TOR1A: variants seen among roughly 807,000 people sequenced by gnomAD.
TOR1A encodes torsin-1A.
In TOR1A, 18 loss-of-function variants were observed where a neutral mutation model predicts 31.4. The ratio of observed to expected loss-of-function variants is 0.57; its 90% CI spans 0.40 to 0.85. TOR1A has a LOEUF of 0.85. TOR1A is among the 40% of genes least tolerant of loss of function. The pLI is 0.00. For missense variants in TOR1A, 375 were observed against 416.4 expected (o/e 0.90, Z 0.87); for synonymous variants, 168 against 165.9 (o/e 1.01, Z -0.10).
rs543781155 is a variant in TOR1A, at chr9:129,818,997, C to G, written c.445-77G>C. On this transcript the variant is annotated intron_variant, in intron 2 of 4. Coordinates refer to ENST00000351698, the MANE Select transcript of TOR1A (RefSeq NM_000113.3). ...ATCAGCTCCTTCTACCACTAAGAAC[C>G]GCAGCTTCACTTACAGACCACTGTG... 2.7e-4 allele frequency: 410 copies of G among 1,522,414 alleles called. 5 individuals are homozygous for G. In the South Asian group the frequency reaches 4.4e-3, roughly 16 times the overall value. The allele number at this position is 1,522,414 out of a possible 1,614,324, so 94.3% of individuals were successfully genotyped here.
At position 129,823,939 on chromosome 9, in the gene TOR1A, G is replaced by A; in HGVS notation, c.147C>T (p.Cys49=). 1 of 1,591,870 alleles carries A rather than the reference G, an allele frequency of 6.3e-7. No homozygotes were observed. ...YPRLYCLFAE[C]CGQKRSLSRE... Reference sequence around the variant, plus strand: ...GGCTAAGGCTCCGCTTCTGCCCGCAGCACTCGGCGAAGAGGCAGTAGAGAC... The same window carrying A: ...GGCTAAGGCTCCGCTTCTGCCCGCAACACTCGGCGAAGAGGCAGTAGAGAC... The change falls in exon 1 of 5, where the codon TGC becomes TGT. Residue 49 remains cysteine (C), a synonymous_variant. Coordinates refer to ENST00000351698, the MANE Select transcript of TOR1A (RefSeq NM_000113.3).
intron 2 of TOR1A, among the ~76,000 whole-genome samples, chr9:129,820,366 C>T (rs541416799): frequency 3.7e-4 from 56 of 152,200 alleles, no homozygotes; most frequent in African/African-American, 1.2e-3. Context: ...GTGATCCACC[C>T]GCTTCGGCCT....
chr9:129,815,729 G>C (rs890116818), intron 4 of TOR1A, among the ~76,000 whole-genome samples: 5 of 152,200 alleles, frequency 3.3e-5, no homozygotes, highest in Non-Finnish European at 1.5e-5. Flanking sequence ...TGCCCACTGA[G>C]CTCGCCCGTC....
chr9:129,813,941 A>G lies in TOR1A; in HGVS notation c.*31T>C. On this transcript the variant is annotated 3_prime_UTR_variant, in exon 5 of 5. Coordinates refer to ENST00000351698, the MANE Select transcript of TOR1A (RefSeq NM_000113.3). ...TGAGTGTTGTTTCTTTTCCAACTCC[A>G]GGCAGTGACTCCGGCTGCCAATCAT... 1 of 1,612,538 alleles carries G rather than the reference A, an allele frequency of 6.2e-7. No homozygotes were observed. Among genetic ancestry groups the G allele is most frequent in the Non-Finnish European group, 8.5e-7 (1 of 1,179,944 alleles).
At chr9:129,822,425 A>C (rs2031206301) in intron 2 of TOR1A, 156 bp downstream of exon 2, 1 of 1,105,634 alleles carries the variant, frequency 9.0e-7, no homozygotes, top group African/African-American at 1.6e-5. Flanking sequence ...CACGCATCTC[A>C]AACTCTTAAC....
At chr9:129,821,326 A>G (rs961320180) in intron 2 of TOR1A, 1 of 152,186 alleles carries the variant, frequency 6.6e-6, no homozygotes, top group Non-Finnish European at 1.5e-5. Context: ...AAAAATAAAT[A>G]AATAAATAAT....
rs1315928646 is a variant in TOR1A at position 129,822,787 on chromosome 9, A to C, written c.238T>G (p.Leu80Val). Residue 80 changes from leucine to valine, a missense_variant, in exon 2 of 5, where the codon TTA (leucine) becomes GTA (valine). Leu to Val is a conservative substitution (Grantham distance 32, BLOSUM62 1). Coordinates refer to ENST00000351698, the MANE Select transcript of TOR1A (RefSeq NM_000113.3). ...FGQHLAKKII[L>V]NAVFGFINNP... is the part of the protein sequence containing the mutation. ...TTTATGAAACCAAACACGGCATTTA[A>C]GATGATTTTCTTTGCAAGATGCTGT... 1 of 1,614,206 alleles carries C rather than the reference A, an allele frequency of 6.2e-7. No homozygotes were observed. Among genetic ancestry groups the C allele is most frequent in the East Asian group, 2.2e-5 (1 of 44,890 alleles).
At chr9:129,815,882 G>A (rs909208885) in intron 4 of TOR1A, among the ~76,000 whole-genome samples, 2 of 151,958 alleles carry the variant, frequency 1.3e-5, no homozygotes, top group African/African-American at 2.4e-5. Flanking sequence ...GAAGCCAACC[G>A]TGTCCCTCCA....
intron 2 of TOR1A, among the ~76,000 whole-genome samples, chr9:129,819,421 A>C (rs1045776365): frequency 2.0e-5 from 3 of 151,960 alleles, no homozygotes; most frequent in Non-Finnish European, 4.4e-5. Context: ...GGGGTTTGAG[A>C]CCAGCCTGGC....
At chr9:129,820,458 T>A (rs965140599) in intron 2 of TOR1A, among the ~76,000 whole-genome samples, 2 of 152,146 alleles carry the variant, frequency 1.3e-5, no homozygotes, top group Non-Finnish European at 2.9e-5. Context: ...CCAAAACCCA[T>A]CACGGTAGTT....
chr9:129,817,772 G>A (rs976803466), intron 4 of TOR1A, among the ~76,000 whole-genome samples: 4 of 149,230 alleles, frequency 2.7e-5, no homozygotes, highest in Non-Finnish European at 3.0e-5. Context: ...AGGCTGAGGC[G>A]GGAGGATGAC....
rs1004747066 is a variant in TOR1A, at chr9:129,813,927, T to A, written c.*45A>T. 3.7e-6 allele frequency: 6 copies of A among 1,610,530 alleles called. No homozygotes were observed. The highest frequency in any genetic ancestry group is 5.1e-6 in the Non-Finnish European group (6 of 1,179,852). On this transcript the variant is annotated 3_prime_UTR_variant, in exon 5 of 5. Transcript: ENST00000351698. ...AAGTGTGGAAGGACTGAGTGTTGTT[T>A]CTTTTCCAACTCCAGGCAGTGACTC...
At position 129,814,637 on chromosome 9, in the gene TOR1A, C is replaced by T. The variant is rs1588215073; in HGVS notation, c.749-415G>A. On this transcript the variant is annotated intron_variant, in intron 4 of 4. Coordinates refer to ENST00000351698, the MANE Select transcript of TOR1A (RefSeq NM_000113.3). ...AGCTGTGACAGCCCTCTTTACACGG[C>T]GGGCTGGGGGAGGCCTCCCAAGGTA... is the stretch of plus-strand genomic sequence containing the variant. 2.0e-5 allele frequency among the ~76,000 whole-genome samples: 3 copies of T among 151,308 alleles called. 1 individual carries two copies. The East Asian group carries it at 5.9e-4, about 30-fold the overall frequency.
Position 129,823,881 on chromosome 9 carries a change from CAGCCTCCAG to C in TOR1A, c.178+18_178+26del. 3.3e-6 allele frequency: 5 copies of C among 1,527,590 alleles called. No homozygotes were observed. Among genetic ancestry groups the C allele is most frequent in the Non-Finnish European group, 3.5e-6 (4 of 1,133,654 alleles). The allele number at this position is 1,527,590 out of a possible 1,614,324, so 94.6% of individuals were successfully genotyped here. On this transcript the variant is annotated intron_variant, in intron 1 of 4. Coordinates refer to ENST00000351698, the MANE Select transcript of TOR1A (RefSeq NM_000113.3). ...CATCGCCCAGCCCCAGCCCCAGCCC[CAGCCTCCAG>C]CCCCCGCCCCAGCCTACCCTCCCGG...
chr9:129,820,008 A>C (rs2031144716), intron 2 of TOR1A, among the ~76,000 whole-genome samples: 1 of 152,032 alleles, frequency 6.6e-6, no homozygotes, highest in African/African-American at 2.4e-5. Context: ...GGATTCACTC[A>C]GACCTGTTAG....
In TOR1A at chr9:129,824,069, G is replaced by A. The variant is rs781611729; in HGVS notation, c.17C>T (p.Ala6Val). The A allele has an allele frequency of 1.3e-6, 2 of 1,590,930 alleles. No homozygotes were observed. Among genetic ancestry groups the A allele is most frequent in the Non-Finnish European group, 8.5e-7 (1 of 1,171,868 alleles). The change falls in exon 1 of 5, where the codon GCC (alanine) becomes GTC (valine). Residue 6 changes from alanine (A) to valine (V), a missense_variant. Transcript: ENST00000351698. ...CGCCAGCAGCAGCAGGCCCAGCACG[G>A]CCCGGCCCAGCTTCATGCCCGGACC... MKLGR[A>V]VLGLLLLAPS...
intron 2 of TOR1A, among the ~76,000 whole-genome samples, chr9:129,819,955 T>A (rs1053090955): frequency 6.1e-5 from 9 of 147,116 alleles, no homozygotes; most frequent in African/African-American, 1.5e-4. Flanking sequence ...ATAATAATAA[T>A]AAATAAATAA....
intron 1 of TOR1A, chr9:129,823,188 G>A: frequency 2.5e-6 from 1 of 398,440 alleles, no homozygotes; most frequent in Non-Finnish European, 4.8e-6. Context: ...CTCCTGGTCG[G>A]CTGCGGAAGA....
rs2131004679 is a variant in TOR1A at position 129,818,788 on chromosome 9, C to T, written c.577G>A (p.Val193Met). Reference sequence around the variant, plus strand: ...GCTTTCTGGTAGGAGACCCCATCCACCAGGTCATAATAGTCGAGGAAAGGC... The same window carrying T: ...GCTTTCTGGTAGGAGACCCCATCCATCAGGTCATAATAGTCGAGGAAAGGC... Reference protein sequence around the residue: ...IKPFLDYYDLVDGVSYQKAMF... With the variant: ...IKPFLDYYDLMDGVSYQKAMF... The change falls in exon 3 of 5, where the codon GTG becomes ATG. Residue 193 changes from valine to methionine, a missense_variant. Physicochemically the swap from Val to Met is conservative, Grantham distance 21 (BLOSUM62 1). Coordinates refer to ENST00000351698, the MANE Select transcript of TOR1A (RefSeq NM_000113.3). The T allele has an allele frequency of 1.2e-6, 2 of 1,613,592 alleles. No individual in the cohort carries two copies. The highest frequency in any genetic ancestry group is 1.7e-6 in the Non-Finnish European group (2 of 1,180,046).
Sources: allele counts gnomAD v4.1 joint callset (sites outside exome capture counted in the v4.1 genomes callset), GRCh38; gene constraint gnomAD v4.1.1; transcripts MANE v1.5; gene names NCBI Gene and HGNC (gene_info 2026-07-23, HGNC 2026-07-21).